The following CEP63 variants were observed in gnomAD, a reference collection of about 807,000 sequenced individuals.
The protein encoded by CEP63 is centrosomal protein 63.
A neutral mutation model predicts 89.1 loss-of-function variants in CEP63; 84 were observed. The observed-to-expected ratio is 0.94, with a 90% CI of 0.79 to 1.13. CEP63 has a LOEUF of 1.13. Among genes scored for constraint, CEP63 ranks in the 50% most tolerant of loss-of-function variants. CEP63 has a pLI of 0.00. For synonymous variants in CEP63, 267 were observed against 272.5 expected (o/e 0.98, Z 0.20); for missense variants, 838 against 813.3 (o/e 1.03, Z -0.37).
chr3:134,538,531 G>GTATATATA (rs138354332), intron 6 of CEP63, among the ~76,000 whole-genome samples: 1,850 of 99,416 alleles, frequency 0.019, 60 homozygotes, highest in East Asian at 0.044. Flanking sequence ...TTGTGTGTGT[G>GTATATATA]TGTATATATA....
chr3:134,545,929 TA>T, intron 7 of CEP63, 110 bp downstream of exon 7: 1 of 884,244 alleles, frequency 1.1e-6, no homozygotes, highest in Non-Finnish European at 1.7e-6. Flanking sequence ...CCCTACTTTA[TA>T]AATGATGGAT....
At chr3:134,682,382 A>G in the CEP63 span, among the ~76,000 whole-genome samples, 1 of 152,180 alleles carries the variant, frequency 6.6e-6, no homozygotes, top group Non-Finnish European at 1.5e-5. Context: ...GCAAATTACT[A>G]AGAGTTGCAA....
At chr3:134,496,393 CA>C (rs1939968962) in intron 2 of CEP63, among the ~76,000 whole-genome samples, 2 of 136,402 alleles carry the variant, frequency 1.5e-5, no homozygotes, top group African/African-American at 2.9e-5. Context: ...CCACATCAAA[CA>C]AAGTAACATT....
At chr3:134,607,262 G>C in the CEP63 span, 1 of 985,506 alleles carries the variant, frequency 1.0e-6, no homozygotes, top group Non-Finnish European at 1.2e-6. Flanking sequence ...CAGGTATTTG[G>C]AGTTGGAAGA....
chr3:134,608,639 C>G, the CEP63 span: 1 of 1,614,010 alleles, frequency 6.2e-7, no homozygotes. Flanking sequence ...GGCACCTGCT[C>G]CGGGCTCACC....
At chr3:134,612,551 G>A in the CEP63 span, among the ~76,000 whole-genome samples, 7 of 152,172 alleles carry the variant, frequency 4.6e-5, no homozygotes, top group South Asian at 4.1e-4. Context: ...AGGACCAGAG[G>A]AAAGCAAGGC....
chr3:134,628,316 C>T, the CEP63 span, among the ~76,000 whole-genome samples: 2 of 152,120 alleles, frequency 1.3e-5, no homozygotes, highest in African/African-American at 4.8e-5. Flanking sequence ...AACTGAATCC[C>T]ATAAATCTAA....
intron 1 of CEP63, among the ~76,000 whole-genome samples, chr3:134,489,878 T>A (rs773686135): frequency 6.6e-6 from 1 of 152,228 alleles, no homozygotes; most frequent in Non-Finnish European, 1.5e-5. Context: ...TTTAAACTGT[T>A]TCAACATATG....
intron 1 of CEP63, among the ~76,000 whole-genome samples, chr3:134,493,285 C>T (rs2107972218): frequency 1.3e-5 from 2 of 151,766 alleles, no homozygotes; most frequent in Non-Finnish European, 2.9e-5. Flanking sequence ...CCTCATTTTG[C>T]AGATGTTAAA....
At chr3:134,558,673 C>T (rs1048356315) in intron 13 of CEP63, among the ~76,000 whole-genome samples, 3 of 152,172 alleles carry the variant, frequency 2.0e-5, no homozygotes, top group African/African-American at 7.2e-5. Context: ...TTATAAACAG[C>T]TTCCTTTGTC....
chr3:134,722,400 T>C, the CEP63 span, among the ~76,000 whole-genome samples: 1 of 152,116 alleles, frequency 6.6e-6, no homozygotes, highest in Non-Finnish European at 1.5e-5. Context: ...GGTAGTGATG[T>C]CTTCTCTTTC....
the CEP63 span, among the ~76,000 whole-genome samples, chr3:134,686,177 T>G: frequency 6.6e-6 from 1 of 152,192 alleles, no homozygotes; most frequent in Non-Finnish European, 1.5e-5. Flanking sequence ...TGGTGGCGGC[T>G]GCTGCTGCTG....
the CEP63 span, among the ~76,000 whole-genome samples, chr3:134,714,733 C>T: frequency 6.6e-6 from 1 of 152,238 alleles, no homozygotes; most frequent in East Asian, 1.9e-4. Context: ...GTGGTTGTAA[C>T]CACCACAGTC....
the CEP63 span, among the ~76,000 whole-genome samples, chr3:134,755,246 T>TGAGCCCTGAGCCCC: frequency 6.6e-6 from 1 of 151,850 alleles, no homozygotes; most frequent in Non-Finnish European, 1.5e-5. Flanking sequence ...CCCTGAGCCC[T>TGAGCCCTGAGCCCC]GAGCCCTGAG....
chr3:134,742,773 C>T, the CEP63 span, among the ~76,000 whole-genome samples: 1 of 152,214 alleles, frequency 6.6e-6, no homozygotes, highest in Non-Finnish European at 1.5e-5. Context: ...GGAGTGGGTT[C>T]TCTCCCTTGC....
At chr3:134,657,908 T>G in the CEP63 span, among the ~76,000 whole-genome samples, 2 of 152,210 alleles carry the variant, frequency 1.3e-5, no homozygotes, top group Non-Finnish European at 2.9e-5. Context: ...TATTTATTTA[T>G]TTTTTTGAGA....
At chr3:134,760,080 A>G in the CEP63 span, among the ~76,000 whole-genome samples, 7,724 of 107,660 alleles carry the variant, frequency 0.072, 694 homozygotes, top group African/African-American at 0.24. Flanking sequence ...TTTTTTTGAG[A>G]CGGAGTCTCG....
chr3:134,650,088 C>T, the CEP63 span, among the ~76,000 whole-genome samples: 3 of 152,194 alleles, frequency 2.0e-5, no homozygotes, highest in East Asian at 5.8e-4. Flanking sequence ...ACTCCATTCA[C>T]ATTGTGTTCT....
the CEP63 span, among the ~76,000 whole-genome samples, chr3:134,626,494 T>G: frequency 6.6e-6 from 1 of 152,096 alleles, no homozygotes; most frequent in African/African-American, 2.4e-5. Flanking sequence ...GCTGTGGGGC[T>G]CCTCTGCAGG....
Sources: allele counts gnomAD v4.1 joint callset (sites outside exome capture counted in the v4.1 genomes callset), GRCh38; gene constraint gnomAD v4.1.1; transcripts MANE v1.5; gene names NCBI Gene and HGNC (gene_info 2026-07-23, HGNC 2026-07-21).